The following AVEN variants were observed in gnomAD, a reference collection of about 807,000 sequenced individuals.
The protein encoded by AVEN is cell death regulator Aven.
AVEN carries 41 observed loss-of-function variants against 38.1 expected under a neutral mutation model. The observed-to-expected ratio is 1.08, with a 90% confidence interval of 0.84 to 1.40. The LOEUF is 1.40. Among genes scored for constraint, AVEN ranks in the 40% most tolerant of loss-of-function variants. The pLI, the probability that AVEN is intolerant of heterozygous loss-of-function variation, is 0.00. For missense variants in AVEN, 605 were observed against 438.8 expected (o/e 1.38, Z -3.38); for synonymous variants, 206 against 171.8 (o/e 1.20, Z -1.56).
downstream of AVEN, among the ~76,000 whole-genome samples, chr15:33,854,085 G>T (rs776810957): frequency 6.6e-6 from 1 of 151,826 alleles, no homozygotes; most frequent in Non-Finnish European, 1.5e-5. Flanking sequence ...AGTCCCAGCT[G>T]CTTGGGAGGC....
chr15:33,928,467 T>C (rs1468846906), intron 2 of AVEN, among the ~76,000 whole-genome samples: 5 of 152,162 alleles, frequency 3.3e-5, no homozygotes, highest in African/African-American at 1.2e-4. Flanking sequence ...GGAGATACTG[T>C]GGACAGCAGA....
At chr15:34,000,533 C>T (rs969603140) in intron 2 of AVEN, among the ~76,000 whole-genome samples, 5 of 152,146 alleles carry the variant, frequency 3.3e-5, no homozygotes, top group Non-Finnish European at 5.9e-5. Context: ...ACCTAAGGAA[C>T]CAACAATATT....
chr15:34,036,138 C>G (rs1232767972), intron 1 of AVEN, among the ~76,000 whole-genome samples: 1 of 151,790 alleles, frequency 6.6e-6, no homozygotes, highest in South Asian at 2.1e-4. Context: ...GTATCTAGTA[C>G]AATAATGCTT....
intron 1 of AVEN, among the ~76,000 whole-genome samples, chr15:34,023,004 G>A (rs1898275741): frequency 1.3e-5 from 2 of 152,126 alleles, no homozygotes; most frequent in South Asian, 2.1e-4. Flanking sequence ...TGGCCAACAT[G>A]GTGAAACCCC....
Position 34,073,986 on chromosome 15 carries a change from CTTCTTTTTTTT to C in AVEN, n.720+439_720+449del, listed in dbSNP as rs764506158. On this transcript the variant is annotated intron_variant and non_coding_transcript_variant, in intron 1 of 11. Coordinates refer to the AVEN transcript ENST00000675287. The stretch of plus-strand genomic sequence containing the variant: ...TGGAGGAACTTTCTTTTTTCTTCTT[CTTCTTTTTTTT>C]TTTTTTTTTTTTTTTTTTGAGACAC... 5.5e-3 allele frequency among the ~76,000 whole-genome samples: 620 copies of C among 112,178 alleles called. 85 individuals are homozygous for C. Among genetic ancestry groups the C allele is most frequent in the African/African-American group, 0.02 (496 of 24,262 alleles). 73.6% of individuals were successfully genotyped at this position (112,178 alleles called of 152,430 possible).
intron 2 of AVEN, among the ~76,000 whole-genome samples, chr15:33,977,189 T>C (rs1353199593): frequency 6.6e-6 from 1 of 152,054 alleles, no homozygotes; most frequent in East Asian, 1.9e-4. Context: ...ACACAAAATA[T>C]ACATTTAAAG....
chr15:33,981,898 G>C (rs1040455189), intron 2 of AVEN, among the ~76,000 whole-genome samples: 1 of 151,990 alleles, frequency 6.6e-6, no homozygotes, highest in Non-Finnish European at 1.5e-5. Context: ...GCAGTGGCGC[G>C]ATCTTGGCTC....
intron 2 of AVEN, among the ~76,000 whole-genome samples, chr15:33,999,543 C>G (rs1897059725): frequency 6.6e-6 from 1 of 152,166 alleles, no homozygotes; most frequent in Non-Finnish European, 1.5e-5. Context: ...AGGGCAACTC[C>G]CTTCTTCTCA....
chr15:34,039,133 A>G lies in AVEN; in HGVS notation c.-87T>C. ...CCACCGGAAGCGGGCCGCACGGAGG[A>G]GCCGCGAGCGAAAGGCGCCCGGTAG... On this transcript the variant is annotated 5_prime_UTR_variant, in exon 1 of 6. Coordinates refer to ENST00000306730, the MANE Select transcript of AVEN (RefSeq NM_020371.3). The G allele has an allele frequency of 2.9e-6, 3 of 1,030,784 alleles. No homozygotes were observed. The highest frequency in any genetic ancestry group is 3.5e-6 in the Non-Finnish European group (3 of 857,264). 63.9% of individuals were successfully genotyped at this position (1,030,784 alleles called of 1,614,324 possible).
Position 34,039,151 on chromosome 15 carries a change from C to T in AVEN, c.-105G>A, listed in dbSNP as rs918327755. ...ACGGAGGAGCCGCGAGCGAAAGGCGCCCGGTAGCAGCGAGGCGCGGGGTGC... is the reference window on the plus strand; with the variant it reads ...ACGGAGGAGCCGCGAGCGAAAGGCGTCCGGTAGCAGCGAGGCGCGGGGTGC... On this transcript the variant is annotated 5_prime_UTR_variant, in exon 1 of 6. Transcript: ENST00000306730. 1.3e-5 allele frequency: 13 copies of T among 967,358 alleles called. No individual in the cohort carries two copies. The highest frequency in any genetic ancestry group is 5.7e-5 in the Admixed American group (1 of 17,562). The allele number at this position is 967,358 out of a possible 1,614,324, so 59.9% of individuals were successfully genotyped here.
chr15:33,864,043 C>A, downstream of AVEN: 1 of 855,144 alleles, frequency 1.2e-6, no homozygotes. Flanking sequence ...TAGCGTGGGA[C>A]CAACTAGCCT....
intron 2 of AVEN, among the ~76,000 whole-genome samples, chr15:33,880,356 G>C (rs750843335): frequency 2.9e-4 from 44 of 152,266 alleles, no homozygotes; most frequent in Non-Finnish European, 4.6e-4. Context: ...AGGTGGTATT[G>C]AGAGGCTAAA....
At position 33,874,118 on chromosome 15, in the gene AVEN, G is replaced by A. The variant is rs149371411; in HGVS notation, c.516+1807C>T. Among the ~76,000 whole-genome samples the A allele has an allele frequency of 3.3e-3, 497 of 152,226 alleles. 5 individuals carry two copies. The highest frequency in any genetic ancestry group is 1.2e-3 in the East Asian group (6 of 5,186). On this transcript the variant is annotated intron_variant, in intron 3 of 5. Coordinates refer to ENST00000306730, the MANE Select transcript of AVEN (RefSeq NM_020371.3). ...CTTGCTAAACAAAACTTTGTTAACA[G>A]ATAATATTAGTAATAAAAGAGCTCA...
chr15:34,024,908 C>T (rs908043714), intron 1 of AVEN, among the ~76,000 whole-genome samples: 11 of 151,270 alleles, frequency 7.3e-5, no homozygotes, highest in African/African-American at 2.4e-4. Flanking sequence ...CGAGGCCGGG[C>T]ATGGTGGCTC....
downstream of AVEN, chr15:33,855,014 G>A: frequency 8.4e-7 from 1 of 1,193,900 alleles, no homozygotes; most frequent in Non-Finnish European, 1.1e-6. Context: ...ATATGTCTTG[G>A]TATATAATGT....
chr15:34,015,150 T>C (rs1897828737), intron 1 of AVEN, among the ~76,000 whole-genome samples: 1 of 152,082 alleles, frequency 6.6e-6, no homozygotes, highest in Non-Finnish European at 1.5e-5. Flanking sequence ...AAAGCTGTTA[T>C]CATAAGGAAA....
intron 2 of AVEN, chr15:33,968,963 T>G (rs1490840803): frequency 6.6e-6 from 1 of 152,042 alleles, no homozygotes; most frequent in Non-Finnish European, 1.5e-5. Flanking sequence ...AATGGAGTCT[T>G]CATCTACCGC....
At chr15:34,054,717 G>A (rs62014671) in intron 5 of AVEN, among the ~76,000 whole-genome samples, 27,126 of 152,096 alleles carry the variant, frequency 0.18, 2,756 homozygotes, top group Middle Eastern at 0.28. Flanking sequence ...ACATCAAGAA[G>A]AATAGGTAAT....
intron 2 of AVEN, among the ~76,000 whole-genome samples, chr15:33,886,545 C>T (rs1035009338): frequency 2.0e-5 from 3 of 152,092 alleles, no homozygotes; most frequent in Non-Finnish European, 2.9e-5. Context: ...CCTCGTGATC[C>T]GCCCACCTCA....
Sources: allele counts gnomAD v4.1 joint callset (sites outside exome capture counted in the v4.1 genomes callset), GRCh38; gene constraint gnomAD v4.1.1; transcripts MANE v1.5; gene names NCBI Gene and HGNC (gene_info 2026-07-23, HGNC 2026-07-21).